Variants in SYNDIG1 observed in about 807,000 individuals in gnomAD.
The protein encoded by SYNDIG1 is synapse differentiation inducing 1, also known as synapse differentiation-inducing gene protein 1.
A neutral mutation model predicts 19.4 loss-of-function variants in SYNDIG1; 9 were observed. The observed-to-expected ratio is 0.46, with a 90% CI of 0.28 to 0.81. The LOEUF (loss-of-function observed/expected upper bound fraction) is 0.81, where lower values mean the gene tolerates loss of function less well. SYNDIG1 is among the 30% of genes least tolerant of loss of function. The pLI, the probability that SYNDIG1 is intolerant of heterozygous loss-of-function variation, is 0.12. For synonymous variants in SYNDIG1, 141 were observed against 145.9 expected, an observed-to-expected ratio of 0.97 and a Z score of 0.24; for missense variants, 311 against 343.3, an observed-to-expected ratio of 0.91 and a Z score of 0.74.
At position 24,665,459 on chromosome 20, in the gene SYNDIG1, G is replaced by T. The variant is rs143803555; in HGVS notation, c.732G>T (p.Val244=). ...ITIGTGVYVG[V]AVALIAYLSK... is the part of the protein sequence containing the mutation. ...TTGGGACTGGCGTCTATGTGGGCGTGGCCGTGGCCCTCATCGCCTACCTCT... is the reference window on the plus strand; with the variant it reads ...TTGGGACTGGCGTCTATGTGGGCGTTGCCGTGGCCCTCATCGCCTACCTCT... Residue 244 remains valine (V), a synonymous_variant, in exon 4 of 4, where the codon GTG becomes GTT. Transcript: ENST00000376862. The T allele has an allele frequency of 1.1e-5, 17 of 1,613,964 alleles. No homozygotes were observed. The highest frequency in any genetic ancestry group is 1.4e-5 in the Non-Finnish European group (16 of 1,179,972).
chr20:24,624,037 C>A (rs569069068), intron 3 of SYNDIG1, among the ~76,000 whole-genome samples: 1 of 152,082 alleles, frequency 6.6e-6, no homozygotes, highest in African/African-American at 2.4e-5. Flanking sequence ...CCAAGGCCGA[C>A]GAATCACGAA....
intron 1 of SYNDIG1, among the ~76,000 whole-genome samples, chr20:24,520,492 G>A (rs1448521983): frequency 6.6e-6 from 1 of 151,912 alleles, no homozygotes; most frequent in African/African-American, 2.4e-5. Context: ...TCAAGAGTTT[G>A]GGTCAGCCTG....
chr20:24,580,322 C>T (rs545453379), intron 2 of SYNDIG1, among the ~76,000 whole-genome samples: 3 of 152,296 alleles, frequency 2.0e-5, no homozygotes, highest in Non-Finnish European at 2.9e-5. Context: ...ACCATTTATA[C>T]TCCAGAACAT....
chr20:24,640,464 G>C (rs2059362996), intron 3 of SYNDIG1, among the ~76,000 whole-genome samples: 1 of 120,852 alleles, frequency 8.3e-6, no homozygotes, highest in Non-Finnish European at 1.7e-5. Context: ...GAAGAAGGGA[G>C]GGAGGGAAAG....
chr20:24,635,536 G>C (rs1244324100), intron 3 of SYNDIG1, among the ~76,000 whole-genome samples: 6 of 152,194 alleles, frequency 3.9e-5, no homozygotes, highest in African/African-American at 1.4e-4. Context: ...TGTGCTGGTT[G>C]GGTCTTGCCT....
chr20:24,616,288 G>GGT (rs1421721448), intron 3 of SYNDIG1, among the ~76,000 whole-genome samples: 6 of 152,206 alleles, frequency 3.9e-5, no homozygotes, highest in Non-Finnish European at 5.9e-5. Flanking sequence ...GCTCTAAGAA[G>GGT]GTGAGGTTCC....
chr20:24,530,370 G>C (rs926365980), intron 1 of SYNDIG1, among the ~76,000 whole-genome samples: 1 of 152,136 alleles, frequency 6.6e-6, no homozygotes, highest in Non-Finnish European at 1.5e-5. Flanking sequence ...CACCAAAAAT[G>C]ATACATAGGA....
In SYNDIG1 at chr20:24,526,507, G is replaced by C. The variant is rs377169920; in HGVS notation, c.-78-16513G>C. Among the ~76,000 whole-genome samples the C allele has an allele frequency of 4.6e-5, 7 of 152,104 alleles. No homozygotes were observed. In the East Asian group the frequency reaches 1.2e-3, roughly 25 times the overall value. ...TCTTAGCTCACCTCCTGATTTACAT[G>C]CTATTGTTTTCCTGTGTTTAGAGTT... On this transcript the variant is annotated intron_variant, in intron 1 of 3. Coordinates refer to ENST00000376862, the MANE Select transcript of SYNDIG1 (RefSeq NM_024893.3).
intron 2 of SYNDIG1, among the ~76,000 whole-genome samples, chr20:24,582,973 G>A (rs76120368): frequency 0.033 from 4,997 of 152,256 alleles, 240 homozygotes; most frequent in African/African-American, 0.11. Context: ...GCTTGTTGGG[G>A]GGCGAGTAAA....
intron 3 of SYNDIG1, among the ~76,000 whole-genome samples, chr20:24,624,853 G>A (rs367734580): frequency 6.6e-6 from 1 of 152,072 alleles, no homozygotes; most frequent in Non-Finnish European, 1.5e-5. Flanking sequence ...AGTATGTGAG[G>A]CAGACAACAA....
chr20:24,640,474 G>GA (rs1392474356), intron 3 of SYNDIG1, among the ~76,000 whole-genome samples: 2 of 6,934 alleles, frequency 2.9e-4, no homozygotes, highest in Admixed American at 4.6e-3. Flanking sequence ...GGGAGGGAAA[G>GA]AAGGAAGGAA....
At chr20:24,566,154 C>G (rs992935078) in intron 2 of SYNDIG1, among the ~76,000 whole-genome samples, 1 of 152,162 alleles carries the variant, frequency 6.6e-6, no homozygotes, top group Non-Finnish European at 1.5e-5. Context: ...GGAGGGGACT[C>G]TGCCATGCAG....
At chr20:24,523,576 C>G (rs1243967095) in intron 1 of SYNDIG1, among the ~76,000 whole-genome samples, 1 of 152,070 alleles carries the variant, frequency 6.6e-6, no homozygotes, top group Non-Finnish European at 1.5e-5. Flanking sequence ...GAATCATAAC[C>G]CCTGTGCCAG....
intron 3 of SYNDIG1, among the ~76,000 whole-genome samples, chr20:24,642,802 A>C (rs763356443): frequency 6.6e-6 from 1 of 151,946 alleles, no homozygotes; most frequent in Non-Finnish European, 1.5e-5. Context: ...CTATTTTCCT[A>C]TGGAGCCCTG....
intron 1 of SYNDIG1, among the ~76,000 whole-genome samples, chr20:24,536,208 C>T (rs987770952): frequency 4.6e-5 from 7 of 152,282 alleles, no homozygotes; most frequent in Admixed American, 2.0e-4. Flanking sequence ...CCTGGGAGCC[C>T]AGATGACCAA....
chr20:24,622,469 A>G (rs1355682007), intron 3 of SYNDIG1, among the ~76,000 whole-genome samples: 1 of 152,256 alleles, frequency 6.6e-6, no homozygotes, highest in African/African-American at 2.4e-5. Context: ...GCCACACAGC[A>G]GGAGGTGAGT....
At chr20:24,553,508 C>T (rs1284776444) in intron 2 of SYNDIG1, among the ~76,000 whole-genome samples, 1 of 152,160 alleles carries the variant, frequency 6.6e-6, no homozygotes, top group East Asian at 1.9e-4. Flanking sequence ...GGAAGGGATC[C>T]AGTTTCAGCT....
chr20:24,569,975 T>TA (rs1327241341), intron 2 of SYNDIG1, among the ~76,000 whole-genome samples: 2 of 152,190 alleles, frequency 1.3e-5, no homozygotes, highest in Non-Finnish European at 2.9e-5. Flanking sequence ...ATGCCAGGAG[T>TA]AAAAAAGATG....
intron 2 of SYNDIG1, among the ~76,000 whole-genome samples, chr20:24,577,698 G>T (rs914532504): frequency 6.6e-6 from 1 of 152,236 alleles, no homozygotes; most frequent in Non-Finnish European, 1.5e-5. Context: ...CCCAGGTGCT[G>T]TCCTTGGTCC....
Sources: gnomAD v4.1 joint callset for allele counts (sites outside exome capture counted in the v4.1 genomes callset) on GRCh38, gnomAD v4.1.1 for gene constraint, MANE v1.5 for transcripts, NCBI Gene and HGNC (gene_info 2026-07-23, HGNC 2026-07-21) for gene names.